Variants in SCD5 observed in about 807,000 individuals in gnomAD.
SCD5 encodes the protein acyl-CoA-desaturase 4.
A neutral mutation model predicts 30.4 loss-of-function variants in SCD5; 20 were observed. That is an observed-to-expected ratio of 0.66 (90% CI 0.46 to 0.96). The LOEUF (loss-of-function observed/expected upper bound fraction) is 0.96. Ranked by LOEUF, SCD5 falls within the 40% of genes least tolerant of loss-of-function variation. The pLI, the probability that SCD5 is intolerant of heterozygous loss-of-function variation, is 0.00. For missense variants in SCD5, 381 were observed against 443.3 expected, an observed-to-expected ratio of 0.86 and a Z score of 1.26; for synonymous variants, 173 against 176.4, an observed-to-expected ratio of 0.98 and a Z score of 0.16.
At position 82,719,152 on chromosome 4, in the gene SCD5, C is replaced by A. The variant is rs555655706; in HGVS notation, c.233-13739G>T. Among the ~76,000 whole-genome samples, 90 of 151,954 alleles carry A rather than the reference C, an allele frequency of 5.9e-4. 1 individual carries two copies. Among genetic ancestry groups the A allele is most frequent in the South Asian group, 3.1e-3 (15 of 4,820 alleles). On this transcript the variant is annotated intron_variant, in intron 1 of 4. Transcript: ENST00000319540. ...ATTTTAAAATCTCTTTTTCTGGCTT[C>A]TCCTGAAACATGGAAAGATCTGGCA...
At chr4:82,743,762 T>TC (rs1193244167) in intron 1 of SCD5, among the ~76,000 whole-genome samples, 4 of 151,262 alleles carry the variant, frequency 2.6e-5, no homozygotes, top group Admixed American at 6.6e-5. Context: ...CCTCAAGCAA[T>TC]CCCCCCCGCC....
At chr4:82,729,786 C>T (rs1720587481) in intron 1 of SCD5, among the ~76,000 whole-genome samples, 1 of 152,154 alleles carries the variant, frequency 6.6e-6, no homozygotes. Context: ...TCTCTCCTCC[C>T]CTCTCTACCA....
intron 3 of SCD5, among the ~76,000 whole-genome samples, chr4:82,671,694 A>G (rs1235765860): frequency 1.3e-5 from 2 of 152,220 alleles, no homozygotes; most frequent in Non-Finnish European, 2.9e-5. Flanking sequence ...CCTAGACAAC[A>G]TGGTGAAACC....
At chr4:82,669,594 A>G (rs1399679801) in intron 3 of SCD5, among the ~76,000 whole-genome samples, 1 of 152,252 alleles carries the variant, frequency 6.6e-6, no homozygotes, top group African/African-American at 2.4e-5. Context: ...GGTATGGACA[A>G]GTCTGAAGGT....
intron 4 of SCD5, 56 bp downstream of exon 4, chr4:82,636,535 G>A: frequency 7.2e-7 from 1 of 1,386,486 alleles, no homozygotes; most frequent in Non-Finnish European, 1.0e-6. Context: ...ACTACTGAGA[G>A]GCCAAGAAAA....
At chr4:82,748,119 A>C (rs1236202782) in intron 1 of SCD5, among the ~76,000 whole-genome samples, 1 of 152,244 alleles carries the variant, frequency 6.6e-6, no homozygotes, top group Non-Finnish European at 1.5e-5. Context: ...GGAGGAATTT[A>C]ATCAGTTCCT....
At chr4:82,741,271 G>C (rs938610269) in intron 1 of SCD5, among the ~76,000 whole-genome samples, 7 of 152,104 alleles carry the variant, frequency 4.6e-5, no homozygotes, top group African/African-American at 1.7e-4. Context: ...GGCTGGTCTT[G>C]TGGTTTTGTT....
chr4:82,766,263 CT>C (rs1316558231), intron 1 of SCD5, among the ~76,000 whole-genome samples: 3 of 152,216 alleles, frequency 2.0e-5, no homozygotes, highest in African/African-American at 7.2e-5. Context: ...CACTGATGCT[CT>C]GTTCTTTCCT....
intron 1 of SCD5, 59 bp from the exon 2 acceptor site, chr4:82,705,472 C>CA: frequency 6.3e-7 from 1 of 1,597,438 alleles, no homozygotes; most frequent in Non-Finnish European, 8.6e-7. Context: ...AAACACCCCC[C>CA]ATGCTTTTTC....
intron 1 of SCD5, among the ~76,000 whole-genome samples, chr4:82,765,622 CTT>C (rs547525458): frequency 6.2e-5 from 9 of 144,324 alleles, no homozygotes; most frequent in Admixed American, 6.9e-5. Flanking sequence ...GTTATTTTTC[CTT>C]TTTTTTTTTT....
At chr4:82,778,444 G>C (rs1721799835) in intron 1 of SCD5, among the ~76,000 whole-genome samples, 1 of 152,232 alleles carries the variant, frequency 6.6e-6, no homozygotes, top group African/African-American at 2.4e-5. Flanking sequence ...TTAGAAGCCT[G>C]AGCCAGGTGT....
chr4:82,735,361 G>A (rs1720728392), intron 1 of SCD5, among the ~76,000 whole-genome samples: 1 of 152,134 alleles, frequency 6.6e-6, no homozygotes, highest in Non-Finnish European at 1.5e-5. Context: ...ATGGTGGGAT[G>A]GTGTCCTGTC....
intron 1 of SCD5, among the ~76,000 whole-genome samples, chr4:82,746,978 G>T (rs972502238): frequency 6.6e-6 from 1 of 151,120 alleles, no homozygotes; most frequent in Non-Finnish European, 1.5e-5. Context: ...GGAGGAACGG[G>T]GAACACACCC....
At chr4:82,689,590 G>A (rs1473858602) in intron 2 of SCD5, among the ~76,000 whole-genome samples, 2 of 152,092 alleles carry the variant, frequency 1.3e-5, no homozygotes. Flanking sequence ...AAATAATAGA[G>A]TTACAAAATC....
At chr4:82,636,900 G>A in intron 3 of SCD5, 77 bp from the exon 4 acceptor site, 3 of 1,285,728 alleles carry the variant, frequency 2.3e-6, no homozygotes, top group Admixed American at 5.0e-5. Context: ...CACAGGAAAA[G>A]TCAGAAAAAA....
chr4:82,716,650 C>T (rs539326596), intron 1 of SCD5, among the ~76,000 whole-genome samples: 1 of 151,560 alleles, frequency 6.6e-6, no homozygotes, highest in African/African-American at 2.4e-5. Flanking sequence ...CCTGTCTCTA[C>T]TAAAATTATG....
chr4:82,680,607 T>C, intron 3 of SCD5, 100 bp downstream of exon 3: 3 of 1,068,810 alleles, frequency 2.8e-6, no homozygotes, highest in East Asian at 2.4e-5. Context: ...TTAGGGCAAA[T>C]GCTTGAGAAG....
At chr4:82,764,978 T>C (rs1274165992) in intron 1 of SCD5, among the ~76,000 whole-genome samples, 1 of 152,172 alleles carries the variant, frequency 6.6e-6, no homozygotes, top group Admixed American at 6.5e-5. Context: ...CCACCCACCT[T>C]GGCCTCCCAA....
At chr4:82,642,503 C>T (rs1375297227) in intron 3 of SCD5, among the ~76,000 whole-genome samples, 1 of 152,192 alleles carries the variant, frequency 6.6e-6, no homozygotes, top group Admixed American at 6.5e-5. Flanking sequence ...ACATACTGTC[C>T]CGTGTCTATG....
Sources: allele counts gnomAD v4.1 joint callset (sites outside exome capture counted in the v4.1 genomes callset), GRCh38; gene constraint gnomAD v4.1.1; transcripts MANE v1.5; gene names NCBI Gene and HGNC (gene_info 2026-07-23, HGNC 2026-07-21).